NELL1: variants seen among roughly 807,000 people sequenced by gnomAD.
NELL1 encodes the protein protein kinase C-binding protein NELL1.
In NELL1, 76 loss-of-function variants were observed where a neutral mutation model predicts 107.4. That is an observed-to-expected ratio of 0.71 (90% CI 0.59 to 0.86). NELL1 has a LOEUF of 0.86. Among genes scored for constraint, NELL1 ranks in the 40% least tolerant of loss-of-function variants. NELL1 has a pLI of 0.00. For synonymous variants in NELL1, 353 were observed against 341.2 expected (o/e 1.03, Z -0.38); for missense variants, 1,024 against 1,005.5 (o/e 1.02, Z -0.25).
chr11:21,433,302 G>A (rs75244064), intron 15 of NELL1, among the ~76,000 whole-genome samples: 4,454 of 152,186 alleles, frequency 0.029, 223 homozygotes, highest in African/African-American at 0.099. Context: ...GGGTTATTAC[G>A]TAATGGTGGC....
intron 2 of NELL1, among the ~76,000 whole-genome samples, chr11:20,749,886 G>C (rs1460268054): frequency 6.6e-6 from 1 of 152,030 alleles, no homozygotes; most frequent in Non-Finnish European, 1.5e-5. Flanking sequence ...TAGCCATGTT[G>C]CATATATCAG....
intron 2 of NELL1, among the ~76,000 whole-genome samples, chr11:20,739,601 C>T (rs1855841963): frequency 6.6e-6 from 1 of 152,102 alleles, no homozygotes; most frequent in Admixed American, 6.6e-5. Flanking sequence ...TCTGAGAATC[C>T]TCAGAAAGTG....
chr11:21,425,974 A>G (rs547245751), intron 15 of NELL1, among the ~76,000 whole-genome samples: 1 of 152,316 alleles, frequency 6.6e-6, no homozygotes, highest in Admixed American at 6.5e-5. Context: ...TGTAGCTAAA[A>G]GAGTGAAATA....
At chr11:21,059,639 A>G (rs910912014) in intron 12 of NELL1, among the ~76,000 whole-genome samples, 5 of 152,162 alleles carry the variant, frequency 3.3e-5, no homozygotes. Flanking sequence ...AAAGTGATTA[A>G]CGTAATATGA....
intron 3 of NELL1, among the ~76,000 whole-genome samples, chr11:20,818,749 A>G (rs1234864398): frequency 7.9e-5 from 12 of 152,184 alleles, no homozygotes; most frequent in Admixed American, 2.0e-4. Context: ...GCCACTGGGC[A>G]TGTAAGCCGC....
At chr11:20,970,611 A>T (rs571969722) in intron 12 of NELL1, among the ~76,000 whole-genome samples, 19 of 152,266 alleles carry the variant, frequency 1.2e-4, no homozygotes, top group Admixed American at 2.0e-4. Context: ...TAAGAATAAG[A>T]TGTTCTGCAA....
At chr11:20,778,261 A>G (rs1856786111) in intron 2 of NELL1, among the ~76,000 whole-genome samples, 1 of 152,158 alleles carries the variant, frequency 6.6e-6, no homozygotes, top group African/African-American at 2.4e-5. Context: ...TGTCTTGCTT[A>G]CGTGTCTATC....
At chr11:20,929,665 CAGA>C (rs1236318410) in intron 9 of NELL1, among the ~76,000 whole-genome samples, 1 of 152,052 alleles carries the variant, frequency 6.6e-6, no homozygotes, top group Non-Finnish European at 1.5e-5. Flanking sequence ...CATTCTTCAG[CAGA>C]AGAAGTTGAA....
At chr11:21,298,550 C>G (rs559357802) in intron 14 of NELL1, among the ~76,000 whole-genome samples, 1 of 151,922 alleles carries the variant, frequency 6.6e-6, no homozygotes, top group African/African-American at 2.4e-5. Flanking sequence ...GCAGGAGTTT[C>G]TGCTGAAATC....
At chr11:21,569,968 A>G (rs1857061162) in intron 17 of NELL1, among the ~76,000 whole-genome samples, 1 of 151,884 alleles carries the variant, frequency 6.6e-6, no homozygotes, top group Admixed American at 6.6e-5. Context: ...ATTTTCAGCA[A>G]TGAAGAACAT....
chr11:21,296,656 G>A (rs1849382890), intron 14 of NELL1, among the ~76,000 whole-genome samples: 1 of 151,878 alleles, frequency 6.6e-6, no homozygotes, highest in Non-Finnish European at 1.5e-5. Context: ...TTGGATTCGT[G>A]TGACTTTGCT....
intron 13 of NELL1, among the ~76,000 whole-genome samples, chr11:21,132,428 C>T (rs1035314959): frequency 6.6e-6 from 1 of 152,180 alleles, no homozygotes; most frequent in Non-Finnish European, 1.5e-5. Flanking sequence ...TTGGATCCCA[C>T]ATCTGTCAAG....
At chr11:21,242,446 C>T (rs771156560) in intron 14 of NELL1, among the ~76,000 whole-genome samples, 5 of 152,032 alleles carry the variant, frequency 3.3e-5, no homozygotes, top group Non-Finnish European at 5.9e-5. Flanking sequence ...ATGGCCACAC[C>T]GAACAATAAA....
chr11:20,988,640 G>T (rs1851905011), intron 12 of NELL1, among the ~76,000 whole-genome samples: 3 of 151,558 alleles, frequency 2.0e-5, no homozygotes, highest in South Asian at 2.1e-4. Flanking sequence ...ACCCAGGCTG[G>T]AGTGCAGTGG....
intron 1 of NELL1, among the ~76,000 whole-genome samples, chr11:20,671,728 GA>G (rs1443136658): frequency 5.9e-5 from 9 of 152,002 alleles, no homozygotes; most frequent in Middle Eastern, 3.4e-3. Flanking sequence ...GCTCAGCTGG[GA>G]ATCTAGATAG....
chr11:21,436,490 T>A (rs926348413), intron 15 of NELL1, among the ~76,000 whole-genome samples: 1 of 152,192 alleles, frequency 6.6e-6, no homozygotes, highest in African/African-American at 2.4e-5. Flanking sequence ...ATTTGTAATG[T>A]CTCTTATTTC....
chr11:21,367,550 G>C (rs1340597013), intron 14 of NELL1, among the ~76,000 whole-genome samples: 3 of 152,188 alleles, frequency 2.0e-5, no homozygotes, highest in South Asian at 4.1e-4. Flanking sequence ...TTAGAATCTA[G>C]AACATAAACT....
chr11:21,396,821 C>A (rs1036649969), intron 15 of NELL1, among the ~76,000 whole-genome samples: 1 of 151,320 alleles, frequency 6.6e-6, no homozygotes, highest in African/African-American at 2.4e-5. Flanking sequence ...GGAGAAGTGA[C>A]ATTCCAGACA....
chr11:21,571,064 G>A lies in NELL1; in HGVS notation c.2157+124G>A, dbSNP rs577239361. ...ATACAGGGAGCTCTGTGGGGCCTGT[G>A]GCTAAGGGTCATGTTCTCTTCCTAA... On this transcript the variant is annotated intron_variant, in intron 18 of 19. Coordinates refer to ENST00000357134, the MANE Select transcript of NELL1 (RefSeq NM_006157.5). 2.6e-5 allele frequency: 20 copies of A among 769,760 alleles called. 1 individual carries two copies. The South Asian group carries it at 3.4e-4, about 13-fold the overall frequency. The allele number at this position is 769,760 out of a possible 1,614,324, so 47.7% of individuals were successfully genotyped here.
Sources: allele counts gnomAD v4.1 joint callset (sites outside exome capture counted in the v4.1 genomes callset), GRCh38; gene constraint gnomAD v4.1.1; transcripts MANE v1.5; gene names NCBI Gene and HGNC (gene_info 2026-07-23, HGNC 2026-07-21).